PKHD1L1: variants seen among roughly 807,000 people sequenced by gnomAD.
PKHD1L1 encodes fibrocystin-L.
PKHD1L1 carries 434 observed loss-of-function variants against 462.9 expected under a neutral mutation model. The ratio of observed to expected loss-of-function variants is 0.94; its 90% CI spans 0.87 to 1.02. The LOEUF is 1.02. PKHD1L1 is among the 50% of genes least tolerant of loss of function. The pLI, the probability that PKHD1L1 is intolerant of heterozygous loss-of-function variation, is 0.00. For synonymous variants in PKHD1L1, 1,781 were observed against 1,750.0 expected (o/e 1.02, Z -0.44); for missense variants, 5,202 against 5,096.1 (o/e 1.02, Z -0.63).
At chr8:109,456,159 T>C in intron 45 of PKHD1L1, 103 bp from the exon 46 acceptor site, 8 of 1,221,340 alleles carry the variant, frequency 6.6e-6, no homozygotes, top group Non-Finnish European at 8.9e-6. Context: ...AAAATGAGCC[T>C]CTCCAACATT....
intron 50 of PKHD1L1, among the ~76,000 whole-genome samples, chr8:109,474,848 T>C (rs1471428521): frequency 6.6e-6 from 1 of 152,178 alleles, no homozygotes; most frequent in Admixed American, 6.6e-5. Context: ...TCCATCTCAA[T>C]TCAAAATTCC....
intron 38 of PKHD1L1, among the ~76,000 whole-genome samples, chr8:109,446,843 CTG>C (rs1816171309): frequency 6.6e-6 from 1 of 152,092 alleles, no homozygotes; most frequent in Non-Finnish European, 1.5e-5. Flanking sequence ...ACAGAGCACA[CTG>C]AGAACAACGC....
Position 109,420,678 on chromosome 8 carries a change from G to A in PKHD1L1, c.2685G>A (p.Val895=). 1 of 1,572,890 alleles carries A rather than the reference G, an allele frequency of 6.4e-7. No individual in the cohort carries two copies. The highest frequency in any genetic ancestry group is 1.9e-5 in the Admixed American group (1 of 51,906). The change falls in exon 23 of 78, where the codon GTG becomes GTA. Residue 895 remains valine, a synonymous_variant. Coordinates refer to ENST00000378402, the MANE Select transcript of PKHD1L1 (RefSeq NM_177531.6). Reference sequence around the variant, plus strand: ...GTTACAATATACCCATGATGGCTGTGAGCTTTGGGCAGGTAAGCCTAGAAT... The same window carrying A: ...GTTACAATATACCCATGATGGCTGTAAGCTTTGGGCAGGTAAGCCTAGAAT... The part of the protein sequence containing the change: ...NCSYNIPMMA[V]SFGQIITHET...
In PKHD1L1 at chr8:109,419,238, A is replaced by G. The variant is rs370695411; in HGVS notation, c.2502A>G (p.Thr834=). The G allele has an allele frequency of 1.2e-6, 2 of 1,607,014 alleles. No homozygotes were observed. The highest frequency in any genetic ancestry group is 1.7e-6 in the Non-Finnish European group (2 of 1,175,900). The part of the protein sequence containing the change: ...FYVDVVYIGH[T]STISTLDEMP... The stretch of plus-strand genomic sequence containing the variant: ...TGGATGTAGTGTACATTGGACACAC[A>G]TCTACAATCTCAACATTGGATGGTA... The change falls in exon 22 of 78, where the codon ACA becomes ACG. Residue 834 remains threonine (T), a synonymous_variant. Coordinates refer to ENST00000378402, the MANE Select transcript of PKHD1L1 (RefSeq NM_177531.6).
intron 62 of PKHD1L1, among the ~76,000 whole-genome samples, chr8:109,492,743 G>A (rs771194650): frequency 1.3e-4 from 20 of 151,740 alleles, no homozygotes; most frequent in Non-Finnish European, 2.5e-4. Flanking sequence ...TGACATTTAT[G>A]AATTCATGTG....
In PKHD1L1 at chr8:109,382,321, G is replaced by A. The variant is rs980263392; in HGVS notation, c.309-142G>A. ...AGATCATTTTTCCATAATATAGAAT[G>A]GAACTTAACTAGACATCAGTTACGA... is the stretch of plus-strand genomic sequence containing the variant. On this transcript the variant is annotated intron_variant, in intron 3 of 77. Transcript: ENST00000378402. The A allele has an allele frequency of 5.4e-6, 3 of 556,368 alleles. No homozygotes were observed. The East Asian group carries it at 9.9e-5, about 18-fold the overall frequency. The allele number at this position is 556,368 out of a possible 1,614,324, so 34.5% of individuals were successfully genotyped here. A position where few individuals can be genotyped will look rare whatever the true frequency, so the allele number is the denominator to read the frequency against.
At chr8:109,398,839 A>G (rs887968431) in intron 12 of PKHD1L1, among the ~76,000 whole-genome samples, 2 of 152,204 alleles carry the variant, frequency 1.3e-5, no homozygotes, top group South Asian at 4.1e-4. Context: ...TAATTAAATT[A>G]TGATAACTAA....
At chr8:109,381,018 G>A (rs1431961826) in intron 2 of PKHD1L1, among the ~76,000 whole-genome samples, 4 of 152,220 alleles carry the variant, frequency 2.6e-5, no homozygotes, top group African/African-American at 9.6e-5. Context: ...CTGCGAATGG[G>A]AAATACAGTA....
chr8:109,393,980 T>G (rs1312179116), intron 9 of PKHD1L1, among the ~76,000 whole-genome samples: 1 of 152,000 alleles, frequency 6.6e-6, no homozygotes, highest in African/African-American at 2.4e-5. Context: ...GAGACCATCC[T>G]GGCCAACATA....
At chr8:109,364,772 C>A in intron 2 of PKHD1L1, 136 bp downstream of exon 2, 2 of 629,934 alleles carry the variant, frequency 3.2e-6, no homozygotes, top group Non-Finnish European at 5.4e-6. Context: ...AATAGTAAAA[C>A]TCTGTCCTCT....
At chr8:109,441,253 A>G (rs997198191) in intron 33 of PKHD1L1, 22 bp from the exon 34 acceptor site, 18 of 1,429,314 alleles carry the variant, frequency 1.3e-5, no homozygotes, top group Non-Finnish European at 1.7e-5. Flanking sequence ...TTTTAAAAAT[A>G]TGCAGTATTT....
rs150191803 is a variant in PKHD1L1 at position 109,398,646 on chromosome 8, A to G, written c.1012+98A>G. ...TAAATTTTTAGAATTTAGAATTTGT[A>G]GTAAGAATTGTAAGAAATTTCCTCC... is the stretch of plus-strand genomic sequence containing the variant. On this transcript the variant is annotated intron_variant, in intron 12 of 77. Coordinates refer to ENST00000378402, the MANE Select transcript of PKHD1L1 (RefSeq NM_177531.6). 4.4e-3 allele frequency: 2,222 copies of G among 501,286 alleles called. 70 individuals are homozygous for G. The East Asian group carries it at 0.063, about 14-fold the overall frequency. 31.1% of individuals were successfully genotyped at this position (501,286 alleles called of 1,614,324 possible).
chr8:109,370,511 T>G (rs1408431855), intron 2 of PKHD1L1, among the ~76,000 whole-genome samples: 2 of 151,740 alleles, frequency 1.3e-5, no homozygotes, highest in African/African-American at 2.4e-5. Flanking sequence ...ATTTTTTTAA[T>G]TTTATTATTA....
intron 2 of PKHD1L1, among the ~76,000 whole-genome samples, chr8:109,377,372 A>G (rs947333417): frequency 1.3e-5 from 2 of 152,106 alleles, no homozygotes; most frequent in Non-Finnish European, 2.9e-5. Context: ...TACTGATGTT[A>G]TGTTTATTAT....
Position 109,372,063 on chromosome 8 carries a change from G to A in PKHD1L1, c.163+7427G>A, listed in dbSNP as rs368901219. On this transcript the variant is annotated intron_variant, in intron 2 of 77. Coordinates refer to ENST00000378402, the MANE Select transcript of PKHD1L1 (RefSeq NM_177531.6). ...AAGAAAGTCATTGGTAGCTTGATGG[G>A]GATGGCATTGAATCTATAAATTACC... Among the ~76,000 whole-genome samples the A allele has an allele frequency of 2.3e-4, 35 of 152,220 alleles. No individual in the cohort carries two copies. The East Asian group carries it at 6.6e-3, about 29-fold the overall frequency.
At chr8:109,420,965 C>A (rs1814433699) in intron 23 of PKHD1L1, among the ~76,000 whole-genome samples, 1 of 151,864 alleles carries the variant, frequency 6.6e-6, no homozygotes, top group African/African-American at 2.4e-5. Context: ...AAATTATGGT[C>A]TCTTCCAATA....
chr8:109,397,726 G>T (rs894741177), intron 11 of PKHD1L1, among the ~76,000 whole-genome samples: 15 of 151,966 alleles, frequency 9.9e-5, no homozygotes, highest in Admixed American at 9.2e-4. Flanking sequence ...GAAAAGTATT[G>T]TCAAAATTTA....
At chr8:109,415,477 T>C (rs1814100146) in intron 21 of PKHD1L1, among the ~76,000 whole-genome samples, 1 of 152,112 alleles carries the variant, frequency 6.6e-6, no homozygotes, top group South Asian at 2.1e-4. Context: ...ACAGCCAGGG[T>C]GTAGACCTGG....
chr8:109,431,135 T>G (rs1305924240), intron 27 of PKHD1L1, among the ~76,000 whole-genome samples: 1 of 152,132 alleles, frequency 6.6e-6, no homozygotes, highest in Non-Finnish European at 1.5e-5. Context: ...ACTCAGATAA[T>G]TTTTGTATTT....
Sources: gnomAD v4.1 joint callset for allele counts (sites outside exome capture counted in the v4.1 genomes callset) on GRCh38, gnomAD v4.1.1 for gene constraint, MANE v1.5 for transcripts, NCBI Gene and HGNC (gene_info 2026-07-23, HGNC 2026-07-21) for gene names.